The following VWA8 variants were observed in gnomAD, a reference collection of about 807,000 sequenced individuals.
VWA8 encodes von Willebrand factor A domain-containing protein 8.
A neutral mutation model predicts 241.5 loss-of-function variants in VWA8; 221 were observed. The ratio of observed to expected loss-of-function variants is 0.91; its 90% CI spans 0.82 to 1.02. The LOEUF is 1.02. Ranked by LOEUF, VWA8 falls within the 50% of genes least tolerant of loss-of-function variation. The pLI is 0.00. For synonymous variants in VWA8, 852 were observed against 827.1 expected, an observed-to-expected ratio of 1.03 and a Z score of -0.52; for missense variants, 2,322 against 2,328.7, an observed-to-expected ratio of 1.00 and a Z score of 0.06.
intron 43 of VWA8, 44 bp from the exon 44 acceptor site, chr13:41,570,750 T>C (rs1566370603): frequency 6.4e-7 from 1 of 1,554,694 alleles, no homozygotes; most frequent in Non-Finnish European, 8.8e-7. Flanking sequence ...CTGAGAAACT[T>C]CTTTTTTAAC....
intron 20 of VWA8, among the ~76,000 whole-genome samples, chr13:41,769,361 A>G (rs2045802370): frequency 6.6e-6 from 1 of 152,234 alleles, no homozygotes; most frequent in Admixed American, 6.5e-5. Context: ...GCAAAAGAAC[A>G]ATATATTAAA....
chr13:41,735,420 C>T (rs1271285175), intron 21 of VWA8, among the ~76,000 whole-genome samples: 2 of 152,144 alleles, frequency 1.3e-5, no homozygotes, highest in African/African-American at 2.4e-5. Context: ...TCTCAAAAGA[C>T]TTCTGTGCCA....
chr13:41,675,320 C>A (rs762001677), intron 35 of VWA8, 24 bp from the exon 36 acceptor site: 1 of 1,565,888 alleles, frequency 6.4e-7, no homozygotes. Context: ...ATGACATGAG[C>A]CAAGTATTAA....
intron 14 of VWA8, among the ~76,000 whole-genome samples, chr13:41,820,420 A>G (rs1349400740): frequency 2.0e-5 from 3 of 152,176 alleles, no homozygotes; most frequent in Admixed American, 1.3e-4. Flanking sequence ...AAGAGTTAAG[A>G]CCAAGTGCCA....
At chr13:41,636,126 C>T (rs2044755034) in intron 37 of VWA8, among the ~76,000 whole-genome samples, 1 of 151,998 alleles carries the variant, frequency 6.6e-6, no homozygotes, top group Admixed American at 6.6e-5. Context: ...TGTATTCTTC[C>T]TTATTAAGAA....
intron 37 of VWA8, among the ~76,000 whole-genome samples, chr13:41,655,689 G>A (rs991381671): frequency 5.3e-5 from 8 of 151,938 alleles, no homozygotes; most frequent in African/African-American, 1.7e-4. Flanking sequence ...TTTTAAACTC[G>A]CCAAAGATTA....
intron 37 of VWA8, among the ~76,000 whole-genome samples, chr13:41,616,700 C>A (rs935196572): frequency 2.0e-5 from 3 of 152,192 alleles, no homozygotes; most frequent in Non-Finnish European, 4.4e-5. Context: ...TAGCCATTAG[C>A]TCAATATGGC....
chr13:41,646,352 T>C (rs1171732413), intron 37 of VWA8, among the ~76,000 whole-genome samples: 1 of 152,216 alleles, frequency 6.6e-6, no homozygotes, highest in Non-Finnish European at 1.5e-5. Context: ...CAGTGAGTAA[T>C]GATGATGAGT....
At chr13:41,766,963 G>A (rs541204555) in intron 20 of VWA8, among the ~76,000 whole-genome samples, 2 of 152,332 alleles carry the variant, frequency 1.3e-5, no homozygotes, top group Admixed American at 6.5e-5. Context: ...AGGGAGAACA[G>A]TGAGGAAGCA....
rs1167305999 is a variant in VWA8 at position 41,901,865 on chromosome 13, CAAAAAAAA to C, written c.483+5713_483+5720del. Reference sequence around the variant, plus strand: ...TGGGTGACAGAACAAGACTCCATCTCAAAAAAAAAAAAAAAAAAAAAAAAATATATATA... The same window carrying C: ...TGGGTGACAGAACAAGACTCCATCTCAAAAAAAAAAAAAAAAATATATATA... On this transcript the variant is annotated intron_variant, in intron 4 of 44. Coordinates refer to ENST00000379310, the MANE Select transcript of VWA8 (RefSeq NM_015058.2). Among the ~76,000 whole-genome samples, 60 of 24,670 alleles carry C rather than the reference CAAAAAAAA, an allele frequency of 2.4e-3. 1 individual carries two copies. The highest frequency in any genetic ancestry group is 7.5e-3 in the African/African-American group (52 of 6,894). 16.2% of individuals were successfully genotyped at this position (24,670 alleles called of 152,430 possible).
chr13:41,930,503 G>A (rs1050449825), intron 2 of VWA8, among the ~76,000 whole-genome samples: 1 of 152,180 alleles, frequency 6.6e-6, no homozygotes, highest in African/African-American at 2.4e-5. Context: ...CCATGATACA[G>A]GTTGAGCAGC....
Position 41,819,320 on chromosome 13 carries a change from G to C in VWA8, c.1767C>G (p.Ser589Arg), listed in dbSNP as rs528201293. Reference sequence around the variant, plus strand: ...CTGGTCCCAGCCACTGGTGTGCTGTGCTTCCAATAACAGGGGGTTCTGCCA... The same window carrying C: ...CTGGTCCCAGCCACTGGTGTGCTGTCCTTCCAATAACAGGGGGTTCTGCCA... Reference protein sequence around the residue: ...IALAEPPVIGSTAHQWLGPEF... With the variant: ...IALAEPPVIGRTAHQWLGPEF... The change falls in exon 15 of 45, where the codon AGC (serine) becomes AGG (arginine). Residue 589 changes from serine (S) to arginine (R), a missense_variant. Transcript: ENST00000379310. 3 of 1,613,178 alleles carry C rather than the reference G, an allele frequency of 1.9e-6. No homozygotes were observed. The African/African-American group carries it at 4.0e-5, about 22-fold the overall frequency.
intron 2 of VWA8, among the ~76,000 whole-genome samples, chr13:41,942,846 T>C (rs570803719): frequency 4.4e-4 from 67 of 152,316 alleles, no homozygotes; most frequent in African/African-American, 1.6e-3. Context: ...TGGGGCCAGA[T>C]AGCTGAGATA....
In VWA8 at chr13:41,944,104, CAAA is replaced by C. The variant is rs531812264; in HGVS notation, c.241+5829_241+5831del. Among the ~76,000 whole-genome samples the C allele has an allele frequency of 4.3e-4, 58 of 135,332 alleles. 1 individual carries two copies. In the South Asian group the frequency reaches 0.014, roughly 33 times the overall value. The allele number at this position is 135,332 out of a possible 152,430, so 88.8% of individuals were successfully genotyped here. A position where few individuals can be genotyped will look rare whatever the true frequency, so the allele number is the denominator to read the frequency against. ...TGGGCGACAGAGCAAGACTCTGTCT[CAAA>C]AAATAATAATAATAATAATAATAAT... is the stretch of plus-strand genomic sequence containing the variant. On this transcript the variant is annotated intron_variant, in intron 2 of 44. Coordinates refer to ENST00000379310, the MANE Select transcript of VWA8 (RefSeq NM_015058.2).
chr13:41,919,015 T>C (rs1248358996), intron 2 of VWA8, among the ~76,000 whole-genome samples: 1 of 152,158 alleles, frequency 6.6e-6, no homozygotes, highest in East Asian at 1.9e-4. Flanking sequence ...ATCAGTAAGA[T>C]GGCTGACTTG....
At chr13:41,599,562 G>T (rs2044508665) in intron 40 of VWA8, among the ~76,000 whole-genome samples, 1 of 152,048 alleles carries the variant, frequency 6.6e-6, no homozygotes, top group South Asian at 2.1e-4. Flanking sequence ...CGAATGATGA[G>T]ATACAAAACT....
chr13:41,758,419 T>TCCC (rs2045713370), intron 21 of VWA8, among the ~76,000 whole-genome samples: 2 of 66,648 alleles, frequency 3.0e-5, no homozygotes, highest in Non-Finnish European at 6.8e-5. Flanking sequence ...TATATATATA[T>TCCC]ATATATATAT....
At chr13:41,723,885 T>C (rs898002685) in intron 24 of VWA8, among the ~76,000 whole-genome samples, 2 of 152,158 alleles carry the variant, frequency 1.3e-5, no homozygotes, top group Non-Finnish European at 2.9e-5. Context: ...ACATGACACA[T>C]TCTGATTTTA....
chr13:41,897,521 T>C (rs910055382), intron 4 of VWA8, among the ~76,000 whole-genome samples: 1 of 152,242 alleles, frequency 6.6e-6, no homozygotes, highest in East Asian at 1.9e-4. Context: ...AAAGAGGAGC[T>C]ATCATCTGAT....
Sources: gnomAD v4.1 joint callset for allele counts (sites outside exome capture counted in the v4.1 genomes callset) on GRCh38, gnomAD v4.1.1 for gene constraint, MANE v1.5 for transcripts, NCBI Gene and HGNC (gene_info 2026-07-23, HGNC 2026-07-21) for gene names.